The following HIVEP3 variants were observed in gnomAD, a reference collection of about 807,000 sequenced individuals.
HIVEP3 encodes transcription factor HIVEP3.
In HIVEP3, 49 loss-of-function variants were observed where a neutral mutation model predicts 152.8. The observed-to-expected ratio is 0.32, with a 90% CI of 0.26 to 0.41. The LOEUF (loss-of-function observed/expected upper bound fraction) is 0.41, where lower values mean the gene tolerates loss of function less well. Among genes scored for constraint, HIVEP3 ranks in the 10% least tolerant of loss-of-function variants. The probability of loss-of-function intolerance (pLI) is 1.00; values close to 1 mark genes in which losing one functional copy is unlikely to be tolerated. For missense variants in HIVEP3, 2,790 were observed against 3,103.3 expected, an observed-to-expected ratio of 0.90 and a Z score of 2.40; for synonymous variants, 1,269 against 1,289.0, an observed-to-expected ratio of 0.98 and a Z score of 0.33.
chr1:41,733,159 T>C (rs939115398), intron 1 of HIVEP3, among the ~76,000 whole-genome samples: 1 of 152,058 alleles, frequency 6.6e-6, no homozygotes, highest in African/African-American at 2.4e-5. Context: ...CAGGGACTGC[T>C]GGCATCTTCC....
intron 1 of HIVEP3, among the ~76,000 whole-genome samples, chr1:41,783,536 G>A (rs991134630): frequency 1.3e-5 from 2 of 152,116 alleles, no homozygotes; most frequent in African/African-American, 4.8e-5. Flanking sequence ...AGGGATGCGG[G>A]CAACCTCACA....
chr1:41,531,883 A>G (rs1643268004), intron 5 of HIVEP3, among the ~76,000 whole-genome samples: 1 of 132,526 alleles, frequency 7.5e-6, no homozygotes, highest in African/African-American at 3.0e-5. Context: ...GAGATGGAGG[A>G]CAGGGGAGAT....
At chr1:41,952,034 G>C (rs888787798) in intron 1 of HIVEP3, among the ~76,000 whole-genome samples, 6 of 152,144 alleles carry the variant, frequency 3.9e-5, no homozygotes, top group African/African-American at 1.4e-4. Flanking sequence ...TGGACTGGAA[G>C]ATTCTGAAGG....
chr1:41,781,907 C>A (rs999354474), intron 1 of HIVEP3, among the ~76,000 whole-genome samples: 1 of 152,242 alleles, frequency 6.6e-6, no homozygotes, highest in African/African-American at 2.4e-5. Flanking sequence ...CCTCTGCTCC[C>A]AGGTGATCTC....
Position 41,880,396 on chromosome 1 carries a change from G to C in HIVEP3, c.-801+38017C>G, listed in dbSNP as rs116753602. Among the ~76,000 whole-genome samples, 914 of 152,282 alleles carry C rather than the reference G, an allele frequency of 6.0e-3. 12 individuals are homozygous for C. Among genetic ancestry groups the C allele is most frequent in the African/African-American group, 0.021 (867 of 41,542 alleles). On this transcript the variant is annotated intron_variant, in intron 1 of 8. Transcript: ENST00000372583. Reference sequence around the variant, plus strand: ...ATTTGAACCTAGGGGCCTGACTCAGGAGTGAGTACTGCTTACCAGGAAGGG... The same window carrying C: ...ATTTGAACCTAGGGGCCTGACTCAGCAGTGAGTACTGCTTACCAGGAAGGG...
intron 2 of HIVEP3, among the ~76,000 whole-genome samples, chr1:41,682,422 A>G (rs1201284072): frequency 6.6e-6 from 1 of 152,074 alleles, no homozygotes; most frequent in Non-Finnish European, 1.5e-5. Context: ...CAGCCCCTGA[A>G]TTGGCCCAGC....
At chr1:41,872,367 G>A (rs1485105626) in intron 1 of HIVEP3, among the ~76,000 whole-genome samples, 2 of 152,122 alleles carry the variant, frequency 1.3e-5, no homozygotes, top group Non-Finnish European at 2.9e-5. Context: ...ATAAATGGTT[G>A]AAGTATGGCC....
chr1:41,574,347 A>T (rs1644295638), intron 5 of HIVEP3, among the ~76,000 whole-genome samples: 1 of 151,940 alleles, frequency 6.6e-6, no homozygotes, highest in South Asian at 2.1e-4. Context: ...ATTTTCAAAG[A>T]CCTTTGGTTC....
At chr1:41,618,329 C>G (rs938320758) in intron 3 of HIVEP3, among the ~76,000 whole-genome samples, 2 of 152,234 alleles carry the variant, frequency 1.3e-5, no homozygotes, top group African/African-American at 2.4e-5. Flanking sequence ...AGGAGCCAAG[C>G]CTTGTTCCTT....
chr1:42,034,922 C>G (rs564351674), intron 1 of HIVEP3, among the ~76,000 whole-genome samples: 11 of 152,212 alleles, frequency 7.2e-5, no homozygotes, highest in African/African-American at 2.2e-4. Flanking sequence ...AAAGCCTCCT[C>G]GAGCAACCAG....
chr1:41,875,345 C>T (rs1315491062), intron 1 of HIVEP3, among the ~76,000 whole-genome samples: 2 of 152,222 alleles, frequency 1.3e-5, no homozygotes, highest in African/African-American at 4.8e-5. Context: ...CCTCCAGCTC[C>T]CCATCCATCC....
chr1:41,662,574 G>A lies in HIVEP3; in HGVS notation c.-720-33627C>T, dbSNP rs1645733561. The stretch of plus-strand genomic sequence containing the variant: ...CCTTCGCGGCCGGGGTCGCAGATGG[G>A]CCCGGGCGCGGCTGGCGGCTGCCAG... On this transcript the variant is annotated intron_variant, in intron 2 of 8. Coordinates refer to ENST00000372583, the MANE Select transcript of HIVEP3 (RefSeq NM_024503.5). The surrounding 1 kb of genome is among the most constrained non-coding windows in gnomAD (Gnocchi z 7.2). Among the ~76,000 whole-genome samples, 1 of 151,094 alleles carries A rather than the reference G, an allele frequency of 6.6e-6. No homozygotes were observed. The highest frequency in any genetic ancestry group is 2.4e-5 in the African/African-American group (1 of 41,190).
chr1:41,868,240 T>C (rs1644016999), intron 1 of HIVEP3, among the ~76,000 whole-genome samples: 1 of 149,918 alleles, frequency 6.7e-6, no homozygotes, highest in Non-Finnish European at 1.5e-5. Flanking sequence ...AAATATAAGC[T>C]CTGTCAAATA....
At position 41,873,863 on chromosome 1, in the gene HIVEP3, C is replaced by T. The variant is rs966929739; in HGVS notation, c.-801+44550G>A. ...TCTAGGGGAAATAAGGAACCCCTCTCCCAGAAGGTGGAGAAGCTTCTCAAA... is the reference window on the plus strand; with the variant it reads ...TCTAGGGGAAATAAGGAACCCCTCTTCCAGAAGGTGGAGAAGCTTCTCAAA... On this transcript the variant is annotated intron_variant, in intron 1 of 8. Coordinates refer to ENST00000372583, the MANE Select transcript of HIVEP3 (RefSeq NM_024503.5). The surrounding 1 kb of genome is among the most constrained non-coding windows in gnomAD (Gnocchi z 4.2). Among the ~76,000 whole-genome samples, 1 of 152,188 alleles carries T rather than the reference C, an allele frequency of 6.6e-6. No homozygotes were observed. The highest frequency in any genetic ancestry group is 2.4e-5 in the African/African-American group (1 of 41,440).
chr1:41,794,557 A>C (rs528585892), intron 1 of HIVEP3, among the ~76,000 whole-genome samples: 1 of 152,182 alleles, frequency 6.6e-6, no homozygotes, highest in African/African-American at 2.4e-5. Context: ...GTTGTTTACC[A>C]TGCCTGGGTC....
At chr1:41,570,915 A>G (rs779613617) in intron 5 of HIVEP3, among the ~76,000 whole-genome samples, 1 of 152,238 alleles carries the variant, frequency 6.6e-6, no homozygotes, top group Admixed American at 6.5e-5. Flanking sequence ...TAAAGGAAAC[A>G]GAGAAATCTG....
intron 1 of HIVEP3, among the ~76,000 whole-genome samples, chr1:41,815,310 C>T (rs1174543146): frequency 2.0e-5 from 3 of 151,876 alleles, no homozygotes; most frequent in Admixed American, 6.6e-5. Context: ...CCTTTCTCTA[C>T]AAAAAATAAA....
At chr1:41,742,510 G>C (rs1385748650) in intron 1 of HIVEP3, among the ~76,000 whole-genome samples, 2 of 152,212 alleles carry the variant, frequency 1.3e-5, no homozygotes, top group African/African-American at 4.8e-5. Context: ...TGTTCCACAT[G>C]CAAGTCTCCC....
chr1:41,813,183 G>A (rs1255334140), intron 1 of HIVEP3, among the ~76,000 whole-genome samples: 2 of 152,014 alleles, frequency 1.3e-5, no homozygotes, highest in Admixed American at 6.5e-5. Context: ...CTTCATTTTC[G>A]AGATGAGGGC....
Sources: gnomAD v4.1 joint callset for allele counts (sites outside exome capture counted in the v4.1 genomes callset) on GRCh38, gnomAD v4.1.1 for gene constraint, Gnocchi (gnomAD v3.1) non-coding constraint, MANE v1.5 for transcripts, NCBI Gene and HGNC (gene_info 2026-07-23, HGNC 2026-07-21) for gene names.